Variants in CPNE8 observed in about 807,000 individuals in gnomAD.
CPNE8 encodes the protein copine-8.
CPNE8 carries 45 observed loss-of-function variants against 81.5 expected under a neutral mutation model. The observed-to-expected ratio is 0.55, with a 90% CI of 0.44 to 0.71. The LOEUF is 0.71. Ranked by LOEUF, CPNE8 falls within the 30% of genes least tolerant of loss-of-function variation. The pLI, the probability that CPNE8 is intolerant of heterozygous loss-of-function variation, is 0.00. For synonymous variants in CPNE8, 252 were observed against 226.3 expected (o/e 1.11, Z -1.02); for missense variants, 594 against 672.1 (o/e 0.88, Z 1.28).
At chr12:38,768,933 A>C (rs1016427294) in intron 7 of CPNE8, among the ~76,000 whole-genome samples, 1 of 152,230 alleles carries the variant, frequency 6.6e-6, no homozygotes, top group African/African-American at 2.4e-5. Context: ...ACAATGTCTG[A>C]AAAAGCATTC....
intron 3 of CPNE8, among the ~76,000 whole-genome samples, chr12:38,859,603 A>G (rs1943799522): frequency 6.6e-6 from 1 of 152,146 alleles, no homozygotes. Context: ...ACCACAAAAG[A>G]TCCTGAATAG....
chr12:38,800,017 A>G (rs1466282122), intron 6 of CPNE8, among the ~76,000 whole-genome samples: 4 of 137,706 alleles, frequency 2.9e-5, no homozygotes, highest in Non-Finnish European at 4.8e-5. Context: ...CGCCCACGGA[A>G]TCTCGCTGAT....
At chr12:38,676,560 G>A (rs1939293750) in intron 17 of CPNE8, among the ~76,000 whole-genome samples, 2 of 151,152 alleles carry the variant, frequency 1.3e-5, no homozygotes, top group African/African-American at 2.4e-5. Context: ...CACAGTAAAT[G>A]AGTGAATACA....
chr12:38,814,951 G>T (rs1943000141), intron 6 of CPNE8, among the ~76,000 whole-genome samples: 1 of 152,098 alleles, frequency 6.6e-6, no homozygotes, highest in Non-Finnish European at 1.5e-5. Flanking sequence ...TTTTAAGTTA[G>T]CCACATAAGA....
At chr12:38,888,842 A>AT (rs892968465) in intron 1 of CPNE8, among the ~76,000 whole-genome samples, 2 of 152,030 alleles carry the variant, frequency 1.3e-5, no homozygotes, top group Admixed American at 6.6e-5. Flanking sequence ...TTTACAATTG[A>AT]TTTTTTTTCA....
At position 38,799,950 on chromosome 12, in the gene CPNE8, G is replaced by A. The variant is rs373237422; in HGVS notation, c.408-23649C>T. Reference sequence around the variant, plus strand: ...ACCCGAATATTGCGCTTTTCAGACCGGCTTAAGAAACGGCGCACCACGAGA... The same window carrying A: ...ACCCGAATATTGCGCTTTTCAGACCAGCTTAAGAAACGGCGCACCACGAGA... On this transcript the variant is annotated intron_variant, in intron 6 of 19. Transcript: ENST00000331366. 9.9e-4 allele frequency among the ~76,000 whole-genome samples: 149 copies of A among 150,928 alleles called. 1 individual carries two copies. In the East Asian group the frequency reaches 0.023, roughly 23 times the overall value.
At chr12:38,863,905 T>A (rs1378620035) in intron 3 of CPNE8, among the ~76,000 whole-genome samples, 2 of 151,740 alleles carry the variant, frequency 1.3e-5, no homozygotes, top group Non-Finnish European at 2.9e-5. Context: ...ACAAAAAAAA[T>A]TAGCCTGGCA....
chr12:38,776,994 C>A (rs1196820521), intron 6 of CPNE8, among the ~76,000 whole-genome samples: 2 of 150,080 alleles, frequency 1.3e-5, no homozygotes, highest in East Asian at 3.9e-4. Context: ...TACTTTTTAT[C>A]ATTATTTCAA....
chr12:38,796,496 C>T (rs1242965909), intron 6 of CPNE8, among the ~76,000 whole-genome samples: 1 of 152,112 alleles, frequency 6.6e-6, no homozygotes, highest in African/African-American at 2.4e-5. Context: ...AAAAGTCATA[C>T]TCTGGGAGAT....
At chr12:38,762,964 T>C (rs1941601895) in intron 8 of CPNE8, among the ~76,000 whole-genome samples, 1 of 152,202 alleles carries the variant, frequency 6.6e-6, no homozygotes, top group Non-Finnish European at 1.5e-5. Flanking sequence ...GTTCATGCAA[T>C]CCTCCTGCCT....
chr12:38,725,522 G>A (rs572944100), intron 11 of CPNE8, among the ~76,000 whole-genome samples: 1 of 152,250 alleles, frequency 6.6e-6, no homozygotes, highest in South Asian at 2.1e-4. Context: ...GATCTAATGG[G>A]ATAAACGTAA....
At chr12:38,770,332 C>T (rs1306992357) in intron 7 of CPNE8, among the ~76,000 whole-genome samples, 6 of 152,184 alleles carry the variant, frequency 3.9e-5, no homozygotes, top group East Asian at 3.9e-4. Flanking sequence ...ATCCAGTCCA[C>T]CACCAGTTGC....
intron 16 of CPNE8, among the ~76,000 whole-genome samples, chr12:38,677,781 A>G (rs575247250): frequency 1.3e-5 from 2 of 152,012 alleles, no homozygotes; most frequent in Non-Finnish European, 2.9e-5. Context: ...GTTGCCTAAA[A>G]GTTCATTTAC....
At chr12:38,731,518 AACTT>A (rs932856095) in intron 10 of CPNE8, among the ~76,000 whole-genome samples, 8 of 151,922 alleles carry the variant, frequency 5.3e-5, no homozygotes, top group African/African-American at 1.9e-4. Context: ...TTTGAGAAAA[AACTT>A]ACTTAGGTAT....
chr12:38,843,852 G>C (rs550247152), intron 4 of CPNE8, among the ~76,000 whole-genome samples: 8 of 152,100 alleles, frequency 5.3e-5, no homozygotes, highest in African/African-American at 1.9e-4. Context: ...GCAAGGAGCT[G>C]GGCAATAGCT....
chr12:38,789,357 C>G lies in CPNE8; in HGVS notation c.408-13056G>C, dbSNP rs562471516. On this transcript the variant is annotated intron_variant, in intron 6 of 19. Transcript: ENST00000331366. ...CCAAAAACATATACTGGGGAAAAGA[C>G]AGTCTGTTCAATAAATGGTAGTGGG... Among the ~76,000 whole-genome samples, 7 of 151,866 alleles carry G rather than the reference C, an allele frequency of 4.6e-5. No homozygotes were observed. In the South Asian group the frequency reaches 1.5e-3, roughly 31 times the overall value.
intron 5 of CPNE8, among the ~76,000 whole-genome samples, chr12:38,832,461 T>G (rs1406599287): frequency 6.6e-6 from 1 of 152,064 alleles, no homozygotes; most frequent in Admixed American, 6.5e-5. Context: ...AGACATCTGC[T>G]GAGAAGGAAA....
intron 6 of CPNE8, among the ~76,000 whole-genome samples, chr12:38,779,537 G>T (rs1394229935): frequency 1.3e-5 from 2 of 152,098 alleles, no homozygotes; most frequent in African/African-American, 4.8e-5. Context: ...AATAATTTAA[G>T]GCTCAACCAG....
intron 13 of CPNE8, among the ~76,000 whole-genome samples, chr12:38,719,025 C>T (rs976247159): frequency 2.6e-5 from 4 of 151,292 alleles, no homozygotes; most frequent in Non-Finnish European, 4.4e-5. Flanking sequence ...CAAATTACAC[C>T]GAGAGTAAGT....
Sources: gnomAD v4.1 joint callset for allele counts (sites outside exome capture counted in the v4.1 genomes callset) on GRCh38, gnomAD v4.1.1 for gene constraint, MANE v1.5 for transcripts, NCBI Gene and HGNC (gene_info 2026-07-23, HGNC 2026-07-21) for gene names.